Variants in TENM3 observed in about 807,000 individuals in gnomAD.
TENM3 encodes the protein teneurin-3.
TENM3 carries 63 observed loss-of-function variants against 255.1 expected under a neutral mutation model. The ratio of observed to expected loss-of-function variants is 0.25; its 90% CI spans 0.20 to 0.30. The LOEUF is 0.30. TENM3 is among the 10% of genes least tolerant of loss of function. The probability of loss-of-function intolerance (pLI) is 1.00; values close to 1 mark genes in which losing one functional copy is unlikely to be tolerated. For synonymous variants in TENM3, 1,306 were observed against 1,322.3 expected, an observed-to-expected ratio of 0.99 and a Z score of 0.27; for missense variants, 2,929 against 3,461.1, an observed-to-expected ratio of 0.85 and a Z score of 3.86.
At chr4:182,271,592 G>T (rs1435190482) in intron 1 of TENM3, among the ~76,000 whole-genome samples, 1 of 152,126 alleles carries the variant, frequency 6.6e-6, no homozygotes, top group African/African-American at 2.4e-5. Flanking sequence ...AAGAAACAGT[G>T]GGGATTTAGA....
chr4:181,655,394 A>G, the TENM3 span, among the ~76,000 whole-genome samples: 3 of 152,336 alleles, frequency 2.0e-5, no homozygotes, highest in Middle Eastern at 3.4e-3. Context: ...GGTTTTGGTC[A>G]TGCTGCATTT....
At chr4:181,990,483 G>C in the TENM3 span, among the ~76,000 whole-genome samples, 2 of 152,200 alleles carry the variant, frequency 1.3e-5, no homozygotes, top group Non-Finnish European at 2.9e-5. Flanking sequence ...CTAGCCACTA[G>C]ATTTACAGAA....
chr4:181,767,445 T>G, the TENM3 span, among the ~76,000 whole-genome samples: 1 of 152,078 alleles, frequency 6.6e-6, no homozygotes, highest in Non-Finnish European at 1.5e-5. Context: ...GTGGCTATGA[T>G]GTGTAAGCTG....
intron 4 of TENM3, among the ~76,000 whole-genome samples, chr4:182,611,894 T>C (rs1424283627): frequency 6.6e-6 from 1 of 152,164 alleles, no homozygotes; most frequent in Non-Finnish European, 1.5e-5. Flanking sequence ...CTTCTCCTTT[T>C]TGTATATTTA....
chr4:181,480,248 T>G, the TENM3 span, among the ~76,000 whole-genome samples: 1 of 152,128 alleles, frequency 6.6e-6, no homozygotes, highest in Admixed American at 6.5e-5. Flanking sequence ...TTCATTCAGA[T>G]TACCACCTGG....
chr4:181,610,211 C>A, the TENM3 span, among the ~76,000 whole-genome samples: 1 of 152,158 alleles, frequency 6.6e-6, no homozygotes, highest in East Asian at 1.9e-4. Context: ...TCTCTACACA[C>A]CCTGTATGTT....
intron 1 of TENM3, among the ~76,000 whole-genome samples, chr4:182,293,941 C>T (rs759129675): frequency 4.2e-4 from 63 of 150,050 alleles, no homozygotes; most frequent in Non-Finnish European, 6.3e-4. Flanking sequence ...CCAAATGCCT[C>T]GACAATGACA....
At chr4:181,846,368 G>C in the TENM3 span, among the ~76,000 whole-genome samples, 1 of 152,092 alleles carries the variant, frequency 6.6e-6, no homozygotes, top group African/African-American at 2.4e-5. Flanking sequence ...GAAACAGCTT[G>C]TTTGTAGGTT....
chr4:182,658,336 G>C (rs1753932430), intron 6 of TENM3, among the ~76,000 whole-genome samples: 1 of 152,134 alleles, frequency 6.6e-6, no homozygotes, highest in South Asian at 2.1e-4. Flanking sequence ...CCTAAATACT[G>C]CTGTTTCTCA....
chr4:181,712,525 A>T, the TENM3 span, among the ~76,000 whole-genome samples: 1 of 152,166 alleles, frequency 6.6e-6, no homozygotes, highest in African/African-American at 2.4e-5. Context: ...CAGCCTGCAG[A>T]ACAGTGAGCC....
chr4:182,129,715 C>T, the TENM3 span, among the ~76,000 whole-genome samples: 1 of 152,112 alleles, frequency 6.6e-6, no homozygotes, highest in Non-Finnish European at 1.5e-5. Flanking sequence ...TTCCATCTTA[C>T]ACTGATTCTT....
chr4:182,161,957 G>GTA (rs1406454695), intron 1 of TENM3, among the ~76,000 whole-genome samples: 36 of 44,718 alleles, frequency 8.1e-4, no homozygotes, highest in East Asian at 3.0e-3. Flanking sequence ...GTGTGTGTGT[G>GTA]TGTATATATA....
intron 3 of TENM3, among the ~76,000 whole-genome samples, chr4:182,411,963 T>C (rs1445403742): frequency 2.6e-5 from 4 of 152,188 alleles, no homozygotes; most frequent in African/African-American, 9.7e-5. Context: ...GAGGGTCTAC[T>C]GGACTCTGGG....
At chr4:182,014,150 T>G in the TENM3 span, among the ~76,000 whole-genome samples, 10 of 146,580 alleles carry the variant, frequency 6.8e-5, no homozygotes, top group African/African-American at 2.0e-4. Flanking sequence ...ACATATATAC[T>G]TATATATATA....
intron 12 of TENM3, among the ~76,000 whole-genome samples, chr4:182,713,130 C>T (rs1758885773): frequency 6.6e-6 from 1 of 152,114 alleles, no homozygotes; most frequent in South Asian, 2.1e-4. Context: ...TTAATTGTTT[C>T]CCAAATTTTC....
chr4:181,457,814 A>G, the TENM3 span, among the ~76,000 whole-genome samples: 69 of 152,034 alleles, frequency 4.5e-4, no homozygotes, highest in Non-Finnish European at 7.4e-4. Context: ...TTATATAATC[A>G]GATGACCTGT....
At chr4:182,496,418 A>T (rs912269335) in intron 3 of TENM3, among the ~76,000 whole-genome samples, 16 of 152,164 alleles carry the variant, frequency 1.1e-4, no homozygotes, top group Admixed American at 9.8e-4. Context: ...AGACATCAAT[A>T]AACTGGAACG....
chr4:182,636,577 C>T (rs1406259878), intron 5 of TENM3, among the ~76,000 whole-genome samples: 2 of 152,032 alleles, frequency 1.3e-5, no homozygotes, highest in African/African-American at 2.4e-5. Flanking sequence ...GTTAGCCAGG[C>T]ATGGTGGCAC....
chr4:181,481,067 T>G, the TENM3 span, among the ~76,000 whole-genome samples: 1 of 151,834 alleles, frequency 6.6e-6, no homozygotes, highest in South Asian at 2.1e-4. Flanking sequence ...AATTAAAAAG[T>G]TGAATGAAAG....
Sources: allele counts gnomAD v4.1 joint callset (sites outside exome capture counted in the v4.1 genomes callset), GRCh38; gene constraint gnomAD v4.1.1; transcripts MANE v1.5; gene names NCBI Gene and HGNC (gene_info 2026-07-23, HGNC 2026-07-21).